Variants in PRR16 observed in about 807,000 individuals in gnomAD.
The protein encoded by PRR16 is protein Largen.
A neutral mutation model predicts 18.2 loss-of-function variants in PRR16; 6 were observed. The observed-to-expected ratio is 0.33, with a 90% CI of 0.18 to 0.65. The LOEUF is 0.65. Ranked by LOEUF, PRR16 falls within the 30% of genes least tolerant of loss-of-function variation. PRR16 has a pLI of 0.74. For synonymous variants in PRR16, 151 were observed against 147.8 expected, an observed-to-expected ratio of 1.02 and a Z score of -0.16; for missense variants, 412 against 376.6, an observed-to-expected ratio of 1.09 and a Z score of -0.78.
rs543382828 is a variant in PRR16, at chr5:120,549,039, A to G, written c.159+84394A>G. On this transcript the variant is annotated intron_variant, in intron 1 of 1. Transcript: ENST00000407149. ...TTTCCTATTATAAAGCCAAGTTGCC[A>G]TTCTAAAAGAGCATATTGACCTGTT... Among the ~76,000 whole-genome samples the G allele has an allele frequency of 2.6e-5, 4 of 152,072 alleles. No homozygotes were observed. In the South Asian group the frequency reaches 8.3e-4, roughly 32 times the overall value.
chr5:120,594,234 A>T (rs1010280971), intron 1 of PRR16, among the ~76,000 whole-genome samples: 1 of 151,986 alleles, frequency 6.6e-6, no homozygotes, highest in Non-Finnish European at 1.5e-5. Flanking sequence ...AGATGAAATG[A>T]TTCTATATCT....
intron 1 of PRR16, among the ~76,000 whole-genome samples, chr5:120,630,570 C>T (rs545462455): frequency 5.7e-4 from 36 of 62,706 alleles, no homozygotes; most frequent in African/African-American, 2.2e-3. Flanking sequence ...GTTGCAAAAA[C>T]GAACACCTTT....
chr5:120,684,942 T>G (rs1757075947), intron 1 of PRR16, among the ~76,000 whole-genome samples: 1 of 152,202 alleles, frequency 6.6e-6, no homozygotes. Flanking sequence ...GCCTGGTACC[T>G]GTAGTAGCCC....
the PRR16 span, among the ~76,000 whole-genome samples, chr5:120,759,268 A>T: frequency 6.6e-6 from 1 of 151,608 alleles, no homozygotes; most frequent in Non-Finnish European, 1.5e-5. Context: ...GAGCCACCAC[A>T]CCCAGCCTAT....
intron 1 of PRR16, among the ~76,000 whole-genome samples, chr5:120,603,353 G>T (rs184220615): frequency 2.2e-4 from 33 of 152,164 alleles, no homozygotes; most frequent in Non-Finnish European, 4.4e-5. Flanking sequence ...CTGCATTGAG[G>T]TGTTCATATT....
At chr5:120,625,239 G>A (rs112245434) in intron 1 of PRR16, among the ~76,000 whole-genome samples, 3 of 152,204 alleles carry the variant, frequency 2.0e-5, no homozygotes, top group African/African-American at 7.2e-5. Flanking sequence ...TCTGAACTCA[G>A]TGATGTTCTA....
the PRR16 span, among the ~76,000 whole-genome samples, chr5:120,695,782 CCT>C: frequency 6.6e-6 from 1 of 152,164 alleles, no homozygotes; most frequent in East Asian, 1.9e-4. Context: ...AATTACTGTT[CCT>C]CTGACATGCC....
chr5:120,769,304 C>T, the PRR16 span, among the ~76,000 whole-genome samples: 18 of 151,810 alleles, frequency 1.2e-4, no homozygotes, highest in East Asian at 5.8e-4. Context: ...TGGCAATAGA[C>T]GTATACAACA....
chr5:120,659,299 C>A (rs1266346348), intron 1 of PRR16, among the ~76,000 whole-genome samples: 1 of 151,834 alleles, frequency 6.6e-6, no homozygotes, highest in Non-Finnish European at 1.5e-5. Flanking sequence ...TTCAAGATAT[C>A]TGTAGTCTGT....
chr5:120,499,251 A>G (rs2112840283), intron 1 of PRR16, among the ~76,000 whole-genome samples: 1 of 152,100 alleles, frequency 6.6e-6, no homozygotes, highest in Non-Finnish European at 1.5e-5. Context: ...TTGGGATTAC[A>G]GGCAGGCACC....
At chr5:120,550,240 T>G (rs1269919092) in intron 1 of PRR16, among the ~76,000 whole-genome samples, 1 of 152,076 alleles carries the variant, frequency 6.6e-6, no homozygotes, top group East Asian at 1.9e-4. Context: ...CATCCCAACA[T>G]TTTTTGAGAA....
At chr5:120,770,385 A>T in the PRR16 span, among the ~76,000 whole-genome samples, 3 of 152,114 alleles carry the variant, frequency 2.0e-5, no homozygotes, top group South Asian at 6.2e-4. Context: ...GAAGAAGGCA[A>T]CTGGACCCTT....
At chr5:120,780,287 A>T in the PRR16 span, among the ~76,000 whole-genome samples, 1 of 152,226 alleles carries the variant, frequency 6.6e-6, no homozygotes, top group Non-Finnish European at 1.5e-5. Context: ...AGGAAGTACT[A>T]TAGAATTGCA....
At chr5:120,525,535 C>T (rs955795364) in intron 1 of PRR16, among the ~76,000 whole-genome samples, 1 of 151,160 alleles carries the variant, frequency 6.6e-6, no homozygotes, top group Non-Finnish European at 1.5e-5. Context: ...ATCAGTTCCA[C>T]AGACTACTAT....
chr5:120,645,903 C>A (rs1755576857), intron 1 of PRR16, among the ~76,000 whole-genome samples: 1 of 151,564 alleles, frequency 6.6e-6, no homozygotes, highest in Admixed American at 6.6e-5. Context: ...GAAATCCTTC[C>A]CTGGAGATAG....
the PRR16 span, among the ~76,000 whole-genome samples, chr5:120,766,027 G>A: frequency 6.6e-6 from 1 of 151,864 alleles, no homozygotes; most frequent in Non-Finnish European, 1.5e-5. Flanking sequence ...GTTAATAAGT[G>A]GCCTTTGCAG....
At position 120,686,719 on chromosome 5, in the gene PRR16, T is replaced by C. The variant is rs1757140553; in HGVS notation, c.*10T>C. 3 of 1,447,620 alleles carry C rather than the reference T, an allele frequency of 2.1e-6. No homozygotes were observed. The highest frequency in any genetic ancestry group is 2.7e-6 in the Non-Finnish European group (3 of 1,095,326). The allele number at this position is 1,447,620 out of a possible 1,614,324, so 89.7% of individuals were successfully genotyped here. On this transcript the variant is annotated 3_prime_UTR_variant, in exon 2 of 2. Coordinates refer to ENST00000407149, the MANE Select transcript of PRR16 (RefSeq NM_001300783.2). ...CACTACAACCGTGTGATGTATGCCA[T>C]TAAAAAAATTGTTTTTTTAATTTTC...
chr5:120,765,039 T>G, the PRR16 span, among the ~76,000 whole-genome samples: 1 of 152,074 alleles, frequency 6.6e-6, no homozygotes, highest in South Asian at 2.1e-4. Context: ...CCCAAGATGT[T>G]TGAATGATAT....
intron 1 of PRR16, among the ~76,000 whole-genome samples, chr5:120,477,268 T>A (rs555802753): frequency 2.6e-5 from 4 of 152,246 alleles, no homozygotes; most frequent in Non-Finnish European, 5.9e-5. Context: ...CTATCTCTAC[T>A]TGGCTAAGAG....
Sources: gnomAD v4.1 joint callset for allele counts (sites outside exome capture counted in the v4.1 genomes callset) on GRCh38, gnomAD v4.1.1 for gene constraint, MANE v1.5 for transcripts, NCBI Gene and HGNC (gene_info 2026-07-23, HGNC 2026-07-21) for gene names.